ERC1: variants seen among roughly 807,000 people sequenced by gnomAD.
ERC1 encodes ELKS/RAB6-interacting/CAST family member 1.
ERC1 carries 56 observed loss-of-function variants against 132.0 expected under a neutral mutation model. That is an observed-to-expected ratio of 0.42 (90% CI 0.34 to 0.53). The LOEUF (loss-of-function observed/expected upper bound fraction) is 0.53. Ranked by LOEUF, ERC1 falls within the 20% of genes least tolerant of loss-of-function variation. The pLI, the probability that ERC1 is intolerant of heterozygous loss-of-function variation, is 0.03. For synonymous variants in ERC1, 478 were observed against 476.1 expected (o/e 1.00, Z -0.05); for missense variants, 1,202 against 1,349.9 (o/e 0.89, Z 1.72).
In ERC1 at chr12:1,329,339, T is replaced by C. The variant is rs531004892; in HGVS notation, c.2780+39327T>C. Among the ~76,000 whole-genome samples, 26 of 131,024 alleles carry C rather than the reference T, an allele frequency of 2.0e-4. 1 individual carries two copies. Among genetic ancestry groups the C allele is most frequent in the East Asian group, 1.3e-3 (5 of 3,932 alleles). 86.0% of individuals were successfully genotyped at this position (131,024 alleles called of 152,430 possible). A position where few individuals can be genotyped will look rare whatever the true frequency, so the allele number is the denominator to read the frequency against. On this transcript the variant is annotated intron_variant, in intron 15 of 18. Transcript: ENST00000360905. ...AAAGTCTTAGAAAAGGTTTTTTTTTTCTAAATTTTTCAATATAGATTCATC... is the reference window on the plus strand; with the variant it reads ...AAAGTCTTAGAAAAGGTTTTTTTTTCCTAAATTTTTCAATATAGATTCATC...
chr12:1,413,321 C>T (rs1215817861), intron 17 of ERC1, among the ~76,000 whole-genome samples: 8 of 152,244 alleles, frequency 5.3e-5, no homozygotes, highest in African/African-American at 1.7e-4. Flanking sequence ...GGGCCAGACT[C>T]GGTGGCTCAA....
chr12:1,363,541 T>C (rs1459817033), intron 15 of ERC1, among the ~76,000 whole-genome samples: 1 of 141,972 alleles, frequency 7.0e-6, no homozygotes, highest in Non-Finnish European at 1.5e-5. Flanking sequence ...TGTATTTCTT[T>C]CCTTTTTTTT....
rs533951121 is a variant in ERC1 at position 1,106,238 on chromosome 12, C to T, written c.1161+1414C>T. Among the ~76,000 whole-genome samples the T allele has an allele frequency of 1.2e-4, 19 of 152,250 alleles. No homozygotes were observed. In the East Asian group the frequency reaches 2.5e-3, roughly 20 times the overall value. ...ACATGTAAAAACACTTTGAACAGGACCTAGCGCATAGTAAACATTCAATCC... is the reference window on the plus strand; with the variant it reads ...ACATGTAAAAACACTTTGAACAGGATCTAGCGCATAGTAAACATTCAATCC... On this transcript the variant is annotated intron_variant, in intron 4 of 18. Coordinates refer to ENST00000360905, the MANE Select transcript of ERC1 (RefSeq NM_178040.4).
intron 16 of ERC1, among the ~76,000 whole-genome samples, chr12:1,404,138 A>C (rs79567244): frequency 0.014 from 2,092 of 152,328 alleles, 47 homozygotes; most frequent in African/African-American, 0.048. Flanking sequence ...TTTGGAGACC[A>C]GAAGTGCAAG....
At chr12:1,043,265 G>A (rs919078696) in intron 2 of ERC1, among the ~76,000 whole-genome samples, 2 of 151,784 alleles carry the variant, frequency 1.3e-5, no homozygotes, top group Non-Finnish European at 2.9e-5. Context: ...GGCTGGTCTC[G>A]AACTCCTGAC....
chr12:1,375,896 C>T (rs942982279), intron 16 of ERC1, among the ~76,000 whole-genome samples: 14 of 152,026 alleles, frequency 9.2e-5, no homozygotes, highest in Admixed American at 8.5e-4. Flanking sequence ...GCCACCGCGC[C>T]CGGCTAATTT....
chr12:1,293,741 T>C (rs1290877192), intron 15 of ERC1, among the ~76,000 whole-genome samples: 1 of 152,108 alleles, frequency 6.6e-6, no homozygotes, highest in Admixed American at 6.5e-5. Context: ...AACCAAATTA[T>C]ATCCTAGTAA....
intron 10 of ERC1, 62 bp downstream of exon 10, chr12:1,182,127 G>T (rs961044116): frequency 4.0e-6 from 6 of 1,500,968 alleles, no homozygotes; most frequent in Non-Finnish European, 4.5e-6. Context: ...CTGTATGTTG[G>T]TGTTTACATA....
At chr12:1,377,283 CTTG>C (rs1411102740) in intron 16 of ERC1, among the ~76,000 whole-genome samples, 1 of 152,208 alleles carries the variant, frequency 6.6e-6, no homozygotes, top group African/African-American at 2.4e-5. Flanking sequence ...TACCTTTGCT[CTTG>C]TTGTTTCATC....
chr12:1,078,137 T>C (rs923999535), intron 2 of ERC1, among the ~76,000 whole-genome samples: 2 of 152,204 alleles, frequency 1.3e-5, no homozygotes, highest in Non-Finnish European at 2.9e-5. Flanking sequence ...AGCCAACATA[T>C]ATTTCTCCTG....
chr12:1,338,707 GT>G (rs536001216), intron 15 of ERC1, among the ~76,000 whole-genome samples: 26 of 150,118 alleles, frequency 1.7e-4, no homozygotes, highest in African/African-American at 6.1e-4. Flanking sequence ...CCTTTGGATA[GT>G]TTTTTTTTTC....
intron 16 of ERC1, among the ~76,000 whole-genome samples, chr12:1,395,821 A>G (rs114788377): frequency 3.6e-3 from 547 of 152,342 alleles, no homozygotes; most frequent in African/African-American, 0.013. Flanking sequence ...GGGGGAAAAA[A>G]GTAGTTTTCA....
intron 3 of ERC1, among the ~76,000 whole-genome samples, chr12:1,092,287 G>T (rs570102959): frequency 5.3e-5 from 8 of 152,130 alleles, no homozygotes; most frequent in African/African-American, 1.9e-4. Flanking sequence ...GTGAGCCACC[G>T]CGCCCGGCCC....
intron 15 of ERC1, among the ~76,000 whole-genome samples, chr12:1,300,479 G>A (rs990272631): frequency 5.9e-5 from 9 of 152,116 alleles, no homozygotes; most frequent in African/African-American, 1.9e-4. Context: ...AAACTATAGA[G>A]ATTCTGGACA....
At chr12:1,286,774 C>T (rs989799254) in intron 14 of ERC1, among the ~76,000 whole-genome samples, 4 of 151,944 alleles carry the variant, frequency 2.6e-5, no homozygotes, top group South Asian at 2.1e-4. Context: ...TTTGTAAAAA[C>T]GATACTGTTT....
At chr12:1,300,615 A>T (rs2080313610) in intron 15 of ERC1, among the ~76,000 whole-genome samples, 1 of 152,184 alleles carries the variant, frequency 6.6e-6, no homozygotes, top group Non-Finnish European at 1.5e-5. Flanking sequence ...CAAGAAAAAA[A>T]CAACCCCATT....
At chr12:1,486,597 G>A (rs2094220630) in intron 18 of ERC1, among the ~76,000 whole-genome samples, 1 of 151,942 alleles carries the variant, frequency 6.6e-6, no homozygotes, top group Non-Finnish European at 1.5e-5. Flanking sequence ...GCTATTTTTT[G>A]TATTTTTAGT....
At chr12:1,397,357 A>G (rs1026931366) in intron 16 of ERC1, among the ~76,000 whole-genome samples, 1 of 152,208 alleles carries the variant, frequency 6.6e-6, no homozygotes, top group African/African-American at 2.4e-5. Flanking sequence ...CATATACACA[A>G]GGAAATTCAT....
rs1324191904 is a variant in ERC1 at position 1,180,276 on chromosome 12, TGTGTGTGCGCGCACGC to T, written c.1738-258_1738-243del. 2.3e-3 allele frequency among the ~76,000 whole-genome samples: 333 copies of T among 147,902 alleles called. 1 individual carries two copies. Among genetic ancestry groups the T allele is most frequent in the African/African-American group, 7.7e-3 (290 of 37,888 alleles). ...GGATGTGTGTGTGTGTGTGTGTGTG[TGTGTGTGCGCGCACGC>T]GTGTGCGCGCGCGCATACACATGTG... On this transcript the variant is annotated intron_variant, in intron 8 of 18. Transcript: ENST00000360905.
Sources: allele counts gnomAD v4.1 joint callset (sites outside exome capture counted in the v4.1 genomes callset), GRCh38; gene constraint gnomAD v4.1.1; transcripts MANE v1.5; gene names NCBI Gene and HGNC (gene_info 2026-07-23, HGNC 2026-07-21).